Variants in SH3RF3 observed in about 807,000 individuals in gnomAD.
SH3RF3 encodes E3 ubiquitin-protein ligase SH3RF3.
A neutral mutation model predicts 66.3 loss-of-function variants in SH3RF3; 29 were observed. The observed-to-expected ratio is 0.44, with a 90% CI of 0.33 to 0.60. The LOEUF (loss-of-function observed/expected upper bound fraction) is 0.60. SH3RF3 is among the 20% of genes least tolerant of loss of function. The pLI, the probability that SH3RF3 is intolerant of heterozygous loss-of-function variation, is 0.04. For synonymous variants in SH3RF3, 583 were observed against 532.0 expected (o/e 1.10, Z -1.32); for missense variants, 1,194 against 1,190.9 (o/e 1.00, Z -0.04).
At chr2:109,475,041 G>T (rs141082971) in intron 8 of SH3RF3, among the ~76,000 whole-genome samples, 1 of 152,148 alleles carries the variant, frequency 6.6e-6, no homozygotes, top group East Asian at 1.9e-4. Context: ...GCAGTGGTGC[G>T]ATCTCTGCTC....
In SH3RF3 at chr2:109,145,076, T is replaced by C. The variant is rs537077587; in HGVS notation, c.573+14963T>C. 2.2e-3 allele frequency among the ~76,000 whole-genome samples: 337 copies of C among 152,328 alleles called. 1 individual carries two copies. Among genetic ancestry groups the C allele is most frequent in the African/African-American group, 7.7e-3 (322 of 41,576 alleles). On this transcript the variant is annotated intron_variant, in intron 1 of 9. Coordinates refer to ENST00000309415, the MANE Select transcript of SH3RF3 (RefSeq NM_001099289.3). ...CTCGTAAGCAGAGTGTTAAGGGCCC[T>C]CTTACGGGGCCTGGAGTCATCTCTG...
chr2:109,244,147 A>AT (rs142402141), intron 1 of SH3RF3, among the ~76,000 whole-genome samples: 2,986 of 152,086 alleles, frequency 0.02, 101 homozygotes, highest in African/African-American at 0.066. Flanking sequence ...CTCTGTAGCT[A>AT]TTTTTTTTGT....
chr2:109,339,152 A>G (rs1023114258), intron 1 of SH3RF3, among the ~76,000 whole-genome samples: 1 of 151,648 alleles, frequency 6.6e-6, no homozygotes, highest in Non-Finnish European at 1.5e-5. Context: ...GGCAGAGAAG[A>G]GGTAGAGGAG....
intron 1 of SH3RF3, among the ~76,000 whole-genome samples, chr2:109,187,905 CTG>C (rs1322009335): frequency 6.6e-6 from 1 of 152,164 alleles, no homozygotes; most frequent in Admixed American, 6.5e-5. Flanking sequence ...TTAAGCCTGC[CTG>C]TGTTGTGCCT....
At chr2:109,255,181 T>C (rs541421316) in intron 1 of SH3RF3, among the ~76,000 whole-genome samples, 1 of 152,322 alleles carries the variant, frequency 6.6e-6, no homozygotes. Context: ...TTTGTGTGTG[T>C]GGCATTTCAC....
rs1677792437 is a variant in SH3RF3, at chr2:109,449,164, C to T, written c.1829-6C>T. ...CAACCTGCTGTCTCTCCAACCCCGTCTCCAGCTGCCCACTCTGCAGCCCAG... is the reference window on the plus strand; with the variant it reads ...CAACCTGCTGTCTCTCCAACCCCGTTTCCAGCTGCCCACTCTGCAGCCCAG... On this transcript the variant is annotated splice_region_variant and splice_polypyrimidine_tract_variant and intron_variant, in intron 7 of 9. Coordinates refer to ENST00000309415, the MANE Select transcript of SH3RF3 (RefSeq NM_001099289.3). 1 of 1,612,562 alleles carries T rather than the reference C, an allele frequency of 6.2e-7. No individual in the cohort carries two copies. Among genetic ancestry groups the T allele is most frequent in the African/African-American group, 1.3e-5 (1 of 74,926 alleles).
At chr2:109,347,467 G>A (rs1439366921) in intron 1 of SH3RF3, among the ~76,000 whole-genome samples, 2 of 152,044 alleles carry the variant, frequency 1.3e-5, no homozygotes, top group Non-Finnish European at 2.9e-5. Flanking sequence ...GGCTAGGATG[G>A]GGACCCTCTT....
chr2:109,135,326 G>A (rs2104810194), intron 1 of SH3RF3, among the ~76,000 whole-genome samples: 1 of 152,342 alleles, frequency 6.6e-6, no homozygotes, highest in South Asian at 2.1e-4. Context: ...CGTGGAAGGA[G>A]GGGAAGGGGT....
chr2:109,162,537 C>T (rs1677513519), intron 1 of SH3RF3, among the ~76,000 whole-genome samples: 1 of 152,122 alleles, frequency 6.6e-6, no homozygotes, highest in Admixed American at 6.5e-5. Context: ...TAACATTAGT[C>T]CCTACAAAGG....
chr2:109,445,473 A>G (rs1677678553), intron 7 of SH3RF3, among the ~76,000 whole-genome samples: 1 of 152,258 alleles, frequency 6.6e-6, no homozygotes, highest in Admixed American at 6.5e-5. Context: ...ATGAATAAAA[A>G]TATAAGAAAG....
chr2:109,213,010 G>A lies in SH3RF3; in HGVS notation c.573+82897G>A, dbSNP rs765366666. ...GCCCTGTGCTGAGCGGTGTGCAGGT[G>A]TCGGCAGCAGGGTAGGAGTGCACTC... On this transcript the variant is annotated intron_variant, in intron 1 of 9. Transcript: ENST00000309415. Among the ~76,000 whole-genome samples the A allele has an allele frequency of 3.1e-4, 47 of 152,252 alleles. 1 individual carries two copies. Among genetic ancestry groups the A allele is most frequent in the Non-Finnish European group, 5.7e-4 (39 of 68,044 alleles).
intron 1 of SH3RF3, among the ~76,000 whole-genome samples, chr2:109,314,476 A>G (rs1681822386): frequency 6.6e-6 from 1 of 152,188 alleles, no homozygotes; most frequent in Non-Finnish European, 1.5e-5. Context: ...GGTCAGCCTG[A>G]AACGGCATGA....
intron 2 of SH3RF3, among the ~76,000 whole-genome samples, chr2:109,362,606 A>G (rs1683070436): frequency 6.6e-6 from 1 of 152,102 alleles, no homozygotes; most frequent in Non-Finnish European, 1.5e-5. Flanking sequence ...ATTAAGTGCT[A>G]TTAAGTTCAG....
chr2:109,412,543 C>G (rs1676619369), intron 4 of SH3RF3, among the ~76,000 whole-genome samples: 1 of 152,234 alleles, frequency 6.6e-6, no homozygotes, highest in South Asian at 2.1e-4. Flanking sequence ...GTGCCAGTGC[C>G]TGGGAGCACA....
intron 3 of SH3RF3, among the ~76,000 whole-genome samples, chr2:109,373,557 T>C (rs970774322): frequency 3.9e-5 from 6 of 152,064 alleles, no homozygotes; most frequent in African/African-American, 1.5e-4. Context: ...GACATAAAAG[T>C]AAATGCCGTA....
At chr2:109,401,780 C>T (rs542561551) in intron 4 of SH3RF3, among the ~76,000 whole-genome samples, 8 of 152,280 alleles carry the variant, frequency 5.3e-5, no homozygotes, top group Admixed American at 1.3e-4. Context: ...CCATGGCCTC[C>T]GTGTTAAAAC....
intron 9 of SH3RF3, among the ~76,000 whole-genome samples, chr2:109,495,133 C>T (rs1245138157): frequency 3.3e-5 from 5 of 152,220 alleles, no homozygotes; most frequent in African/African-American, 1.2e-4. Context: ...CTTTAGGTGT[C>T]TGGCATATTC....
At chr2:109,135,640 G>A (rs997688093) in intron 1 of SH3RF3, among the ~76,000 whole-genome samples, 7 of 152,058 alleles carry the variant, frequency 4.6e-5, no homozygotes, top group African/African-American at 1.4e-4. Context: ...GGGTGTGTGC[G>A]TGTACGTGTG....
At chr2:109,467,546 G>A (rs750905802) in intron 8 of SH3RF3, among the ~76,000 whole-genome samples, 23 of 152,192 alleles carry the variant, frequency 1.5e-4, no homozygotes, top group Non-Finnish European at 2.6e-4. Context: ...AATGCACATC[G>A]CCCAGATGGT....
Sources: allele counts gnomAD v4.1 joint callset (sites outside exome capture counted in the v4.1 genomes callset), GRCh38; gene constraint gnomAD v4.1.1; transcripts MANE v1.5; gene names NCBI Gene and HGNC (gene_info 2026-07-23, HGNC 2026-07-21).